UQCC1: variants seen among roughly 807,000 people sequenced by gnomAD.
UQCC1 encodes bFGF-repressed Zic-binding protein.
UQCC1 carries 38 observed loss-of-function variants against 48.0 expected under a neutral mutation model. The observed-to-expected ratio is 0.79, with a 90% CI of 0.61 to 1.04. The LOEUF (loss-of-function observed/expected upper bound fraction) is 1.04. Among genes scored for constraint, UQCC1 ranks in the 50% least tolerant of loss-of-function variants. UQCC1 has a pLI of 0.00. For synonymous variants in UQCC1, 111 were observed against 129.2 expected (o/e 0.86, Z 0.95); for missense variants, 368 against 381.8 (o/e 0.96, Z 0.30).
At chr20:35,383,819 C>G (rs1286041909) in intron 3 of UQCC1, among the ~76,000 whole-genome samples, 2 of 152,070 alleles carry the variant, frequency 1.3e-5, no homozygotes, top group South Asian at 4.1e-4. Context: ...CCACTCTACT[C>G]TAGCCTGGGT....
At chr20:35,342,969 C>G (rs990445636) in intron 7 of UQCC1, among the ~76,000 whole-genome samples, 2 of 151,942 alleles carry the variant, frequency 1.3e-5, no homozygotes, top group African/African-American at 4.8e-5. Context: ...AAAAAATTTC[C>G]CACCAAATCA....
In UQCC1 at chr20:35,303,722, G is replaced by C; in HGVS notation, c.*213C>G. 1.6e-6 allele frequency: 1 copy of C among 633,014 alleles called. No homozygotes were observed. Among genetic ancestry groups the C allele is most frequent in the Non-Finnish European group, 2.7e-6 (1 of 372,196 alleles). 39.2% of individuals were successfully genotyped at this position (633,014 alleles called of 1,614,324 possible). A position where few individuals can be genotyped will look rare whatever the true frequency, so the allele number is the denominator to read the frequency against. On this transcript the variant is annotated 3_prime_UTR_variant, in exon 10 of 10. Transcript: ENST00000374385. Reference sequence around the variant, plus strand: ...CTTCCCCTAAGGGAGAGGACACCCCGGGAGAGCTAGGGGTTCTCCCAGCCC... The same window carrying C: ...CTTCCCCTAAGGGAGAGGACACCCCCGGAGAGCTAGGGGTTCTCCCAGCCC...
intron 7 of UQCC1, among the ~76,000 whole-genome samples, chr20:35,326,135 G>A (rs2061190876): frequency 6.6e-6 from 1 of 151,828 alleles, no homozygotes; most frequent in African/African-American, 2.4e-5. Context: ...GTGTAGATGA[G>A]AGTCTGTAAG....
chr20:35,351,275 C>T (rs2061487524), intron 6 of UQCC1, among the ~76,000 whole-genome samples: 1 of 151,490 alleles, frequency 6.6e-6, no homozygotes, highest in Non-Finnish European at 1.5e-5. Flanking sequence ...CCTGTAATCC[C>T]AGCTACTCGA....
intron 1 of UQCC1, among the ~76,000 whole-genome samples, chr20:35,397,860 T>C (rs777623929): frequency 1.3e-5 from 2 of 152,186 alleles, no homozygotes; most frequent in African/African-American, 4.8e-5. Flanking sequence ...TCTAACATTA[T>C]CTTTACAAGT....
chr20:35,324,598 T>C (rs1008864510), intron 7 of UQCC1, among the ~76,000 whole-genome samples: 1 of 152,250 alleles, frequency 6.6e-6, no homozygotes. Context: ...AGTGCTGGGA[T>C]TACAGGCGTG....
intron 7 of UQCC1, among the ~76,000 whole-genome samples, chr20:35,320,254 T>C (rs1389535414): frequency 6.6e-6 from 1 of 152,230 alleles, no homozygotes; most frequent in African/African-American, 2.4e-5. Context: ...CCATCATTCA[T>C]TATTTACCAA....
intron 6 of UQCC1, among the ~76,000 whole-genome samples, chr20:35,365,118 G>A (rs187064617): frequency 7.6e-4 from 116 of 152,302 alleles, no homozygotes; most frequent in African/African-American, 2.6e-3. Flanking sequence ...GCTACCTGAT[G>A]CGTGGCACAT....
Position 35,314,680 on chromosome 20 carries a change from A to G in UQCC1, c.651+8T>C. The G allele has an allele frequency of 1.9e-6, 3 of 1,600,864 alleles. No individual in the cohort carries two copies. Among genetic ancestry groups the G allele is most frequent in the Non-Finnish European group, 2.6e-6 (3 of 1,170,370 alleles). On this transcript the variant is annotated splice_region_variant and intron_variant, in intron 8 of 9. Transcript: ENST00000374385. ...CCGTCCTGCCTAAGCCTTGGCAAAC[A>G]ATCTTACCTCATCATATCCCAAGAT... is the stretch of plus-strand genomic sequence containing the variant.
At chr20:35,381,297 C>T (rs779054122) in intron 4 of UQCC1, among the ~76,000 whole-genome samples, 1 of 152,018 alleles carries the variant, frequency 6.6e-6, no homozygotes, top group Non-Finnish European at 1.5e-5. Flanking sequence ...AATATGGGTC[C>T]ATCAGAAAGT....
At chr20:35,389,743 C>A (rs1015955843) in intron 2 of UQCC1, among the ~76,000 whole-genome samples, 2 of 152,142 alleles carry the variant, frequency 1.3e-5, no homozygotes, top group Non-Finnish European at 2.9e-5. Flanking sequence ...AATAAAAAAT[C>A]ATTAGACAAA....
Position 35,303,926 on chromosome 20 carries a change from C to A in UQCC1, c.*9G>T. ...GCCAGCTGGCGGGCCGTGCGGAGGG[C>A]CCAGCCCATCAAAGTCCCTCGTCGT... On this transcript the variant is annotated 3_prime_UTR_variant, in exon 10 of 10. Coordinates refer to ENST00000374385, the MANE Select transcript of UQCC1 (RefSeq NM_018244.5). 1 of 1,614,144 alleles carries A rather than the reference C, an allele frequency of 6.2e-7. No individual in the cohort carries two copies. The highest frequency in any genetic ancestry group is 2.2e-5 in the East Asian group (1 of 44,876).
chr20:35,365,866 G>C (rs1371564223), intron 6 of UQCC1, among the ~76,000 whole-genome samples: 1 of 152,108 alleles, frequency 6.6e-6, no homozygotes, highest in East Asian at 1.9e-4. Context: ...ATGTTCCTCA[G>C]ATACTCACTA....
At chr20:35,368,860 A>G (rs941205876) in intron 5 of UQCC1, among the ~76,000 whole-genome samples, 4 of 152,228 alleles carry the variant, frequency 2.6e-5, no homozygotes, top group African/African-American at 9.6e-5. Context: ...CTGGCCAGCC[A>G]TACAGCTATT....
chr20:35,405,876 A>T (rs1015124335), intron 1 of UQCC1, among the ~76,000 whole-genome samples: 3 of 152,200 alleles, frequency 2.0e-5, no homozygotes, highest in Non-Finnish European at 4.4e-5. Flanking sequence ...AAGAGAAGTT[A>T]TTTTTTTAAA....
intron 4 of UQCC1, 38 bp downstream of exon 4, chr20:35,381,880 C>T (rs1227739334): frequency 8.0e-7 from 1 of 1,252,944 alleles, no homozygotes; most frequent in Non-Finnish European, 1.1e-6. Context: ...AAGCACAATG[C>T]CCAAAAGGAA....
chr20:35,310,547 G>A (rs549260670), intron 8 of UQCC1, among the ~76,000 whole-genome samples: 2 of 149,872 alleles, frequency 1.3e-5, no homozygotes, highest in Admixed American at 6.7e-5. Flanking sequence ...TCAGGAGGCT[G>A]AGGCAGGAGA....
At chr20:35,409,224 T>C (rs532907312) in intron 1 of UQCC1, 1 of 152,820 alleles carries the variant, frequency 6.5e-6, no homozygotes, top group African/African-American at 2.4e-5. Flanking sequence ...ATCCCAGCAC[T>C]TTGGGAGGCC....
intron 6 of UQCC1, among the ~76,000 whole-genome samples, chr20:35,349,012 A>T (rs1780376419): frequency 6.6e-6 from 1 of 152,156 alleles, no homozygotes; most frequent in Non-Finnish European, 1.5e-5. Context: ...CAATAGGATT[A>T]CTCACCTAAA....
Sources: allele counts gnomAD v4.1 joint callset (sites outside exome capture counted in the v4.1 genomes callset), GRCh38; gene constraint gnomAD v4.1.1; transcripts MANE v1.5; gene names NCBI Gene and HGNC (gene_info 2026-07-23, HGNC 2026-07-21).